The following TMEM117 variants were observed in gnomAD, a reference collection of about 807,000 sequenced individuals.
TMEM117 encodes the protein transmembrane protein 117.
In TMEM117, 27 loss-of-function variants were observed where a neutral mutation model predicts 52.4. The observed-to-expected ratio is 0.51, with a 90% confidence interval of 0.38 to 0.71. TMEM117 has a LOEUF of 0.71. Ranked by LOEUF, TMEM117 falls within the 30% of genes least tolerant of loss-of-function variation. The probability of loss-of-function intolerance (pLI) is 0.00; values close to 1 mark genes in which losing one functional copy is unlikely to be tolerated. For synonymous variants in TMEM117, 215 were observed against 206.3 expected (o/e 1.04, Z -0.36); for missense variants, 556 against 630.5 (o/e 0.88, Z 1.26).
intron 4 of TMEM117, among the ~76,000 whole-genome samples, chr12:44,199,754 A>G (rs1949468461): frequency 6.6e-6 from 1 of 152,170 alleles, no homozygotes; most frequent in Non-Finnish European, 1.5e-5. Flanking sequence ...GACACTACCA[A>G]TGTGGGACTA....
chr12:44,250,650 A>G (rs1297442057), intron 5 of TMEM117, among the ~76,000 whole-genome samples: 1 of 152,240 alleles, frequency 6.6e-6, no homozygotes, highest in Non-Finnish European at 1.5e-5. Flanking sequence ...ATGGAATACT[A>G]TGCAGCCATG....
In TMEM117 at chr12:44,303,297, C is replaced by T. The variant is rs565700871; in HGVS notation, c.768+3558C>T. On this transcript the variant is annotated intron_variant, in intron 6 of 7. Coordinates refer to ENST00000266534, the MANE Select transcript of TMEM117 (RefSeq NM_032256.3). ...CTCCCAACCTCAGGTGATCCGCCCACCTCGGCCTCCCAAAGTGCTGGGATT... is the reference window on the plus strand; with the variant it reads ...CTCCCAACCTCAGGTGATCCGCCCATCTCGGCCTCCCAAAGTGCTGGGATT... Among the ~76,000 whole-genome samples, 6 of 152,234 alleles carry T rather than the reference C, an allele frequency of 3.9e-5. No homozygotes were observed. In the Middle Eastern group the frequency reaches 0.017, roughly 432 times the overall value.
intron 5 of TMEM117, among the ~76,000 whole-genome samples, chr12:44,293,626 G>T (rs1950732463): frequency 6.6e-6 from 1 of 151,908 alleles, no homozygotes; most frequent in Admixed American, 6.6e-5. Context: ...TTGCGTAAAA[G>T]ATCTTATAAC....
At chr12:44,398,040 C>A in the TMEM117 span, among the ~76,000 whole-genome samples, 1 of 151,412 alleles carries the variant, frequency 6.6e-6, no homozygotes, top group Middle Eastern at 3.2e-3. Context: ...ACCCTGTTGT[C>A]CTTTCTGAAG....
At chr12:43,865,657 A>C (rs1170701949) in intron 2 of TMEM117, among the ~76,000 whole-genome samples, 1 of 151,772 alleles carries the variant, frequency 6.6e-6, no homozygotes, top group Non-Finnish European at 1.5e-5. Flanking sequence ...ATATCGCACC[A>C]CTGCACTCCA....
intron 2 of TMEM117, among the ~76,000 whole-genome samples, chr12:43,925,285 A>T (rs1944760717): frequency 7.6e-6 from 1 of 132,258 alleles, no homozygotes; most frequent in South Asian, 2.8e-4. Flanking sequence ...GCTGGCTACC[A>T]CACTTGCCAA....
intron 3 of TMEM117, among the ~76,000 whole-genome samples, chr12:44,075,933 C>T (rs1402326936): frequency 6.6e-6 from 1 of 152,064 alleles, no homozygotes; most frequent in Non-Finnish European, 1.5e-5. Context: ...AGCATCAGTG[C>T]CATAACTTGG....
intron 2 of TMEM117, among the ~76,000 whole-genome samples, chr12:43,908,626 G>A (rs1312463858): frequency 6.6e-6 from 1 of 151,864 alleles, no homozygotes; most frequent in African/African-American, 2.4e-5. Context: ...GACACACATA[G>A]GCTCAAAATA....
intron 3 of TMEM117, among the ~76,000 whole-genome samples, chr12:43,953,148 AAGCACTAAATACGGAT>A (rs1945252020): frequency 6.6e-6 from 1 of 152,078 alleles, no homozygotes; most frequent in Non-Finnish European, 1.5e-5. Context: ...TTCCTTCAGG[AAGCACTAAATACGGAT>A]AGGAAAAACC....
chr12:44,337,315 A>G (rs1565729716), intron 6 of TMEM117, among the ~76,000 whole-genome samples: 1 of 151,978 alleles, frequency 6.6e-6, no homozygotes, highest in Admixed American at 6.6e-5. Context: ...TGACCCTCTT[A>G]TAAGGGATGG....
At chr12:43,873,996 A>AAATCCAT (rs1943749786) in intron 2 of TMEM117, among the ~76,000 whole-genome samples, 1 of 151,644 alleles carries the variant, frequency 6.6e-6, no homozygotes, top group Non-Finnish European at 1.5e-5. Flanking sequence ...CTGAGCTGAA[A>AAATCCAT]AATCCATGTT....
chr12:43,801,819 C>T, the TMEM117 span, among the ~76,000 whole-genome samples: 1 of 152,050 alleles, frequency 6.6e-6, no homozygotes, highest in African/African-American at 2.4e-5. Flanking sequence ...CACTTAAGGC[C>T]ACGAGTTTGA....
rs565156380 is a variant in TMEM117 at position 44,350,875 on chromosome 12, A to G, written c.769-25720A>G. Among the ~76,000 whole-genome samples, 83 of 152,156 alleles carry G rather than the reference A, an allele frequency of 5.5e-4. No homozygotes were observed. The South Asian group carries it at 0.013, about 24-fold the overall frequency. On this transcript the variant is annotated intron_variant, in intron 6 of 7. Coordinates refer to ENST00000266534, the MANE Select transcript of TMEM117 (RefSeq NM_032256.3). ...TACTGATTTCCTTTCTTTTGGGTAT[A>G]TAACCAGCAGTGGGATTCCTGGATC...
At chr12:43,826,300 CTT>C in the TMEM117 span, among the ~76,000 whole-genome samples, 1 of 152,222 alleles carries the variant, frequency 6.6e-6, no homozygotes, top group Non-Finnish European at 1.5e-5. Context: ...GCCAGGCACT[CTT>C]TTAAGTGTTT....
At chr12:44,277,210 C>T (rs555440273) in intron 5 of TMEM117, among the ~76,000 whole-genome samples, 9 of 151,940 alleles carry the variant, frequency 5.9e-5, no homozygotes, top group Non-Finnish European at 1.2e-4. Flanking sequence ...TTTGCTTAAG[C>T]CGAGGTTTAT....
chr12:44,083,473 C>G (rs914513389), intron 3 of TMEM117: 1 of 143,312 alleles, frequency 7.0e-6, no homozygotes, highest in Non-Finnish European at 1.5e-5. Context: ...GGGATCTTGG[C>G]TCACTGCAAC....
chr12:44,301,893 G>T (rs1414697495), intron 6 of TMEM117, among the ~76,000 whole-genome samples: 2 of 152,156 alleles, frequency 1.3e-5, no homozygotes, highest in Non-Finnish European at 2.9e-5. Flanking sequence ...TGGTGATGAG[G>T]TCATCTGAAA....
intron 6 of TMEM117, among the ~76,000 whole-genome samples, chr12:44,315,425 A>C (rs952561210): frequency 4.6e-5 from 7 of 152,142 alleles, no homozygotes; most frequent in Admixed American, 4.6e-4. Flanking sequence ...TTTTTGCTTC[A>C]TCCAAGAGAT....
At chr12:44,143,106 A>G (rs1379388916) in intron 3 of TMEM117, among the ~76,000 whole-genome samples, 1 of 152,026 alleles carries the variant, frequency 6.6e-6, no homozygotes, top group East Asian at 1.9e-4. Flanking sequence ...TAATCCCAGC[A>G]TTTTTCCAAT....
Sources: gnomAD v4.1 joint callset for allele counts (sites outside exome capture counted in the v4.1 genomes callset) on GRCh38, gnomAD v4.1.1 for gene constraint, MANE v1.5 for transcripts, NCBI Gene and HGNC (gene_info 2026-07-23, HGNC 2026-07-21) for gene names.